FRY: variants seen among roughly 807,000 people sequenced by gnomAD.
FRY encodes the protein protein furry homolog.
In FRY, 128 loss-of-function variants were observed where a neutral mutation model predicts 348.4. The ratio of observed to expected loss-of-function variants is 0.37; its 90% CI spans 0.32 to 0.43. The LOEUF (loss-of-function observed/expected upper bound fraction) is 0.43. FRY is among the 20% of genes least tolerant of loss of function. The pLI, the probability that FRY is intolerant of heterozygous loss-of-function variation, is 1.00. For synonymous variants in FRY, 1,370 were observed against 1,374.7 expected (o/e 1.00, Z 0.08); for missense variants, 2,736 against 3,695.2 (o/e 0.74, Z 6.73).
intron 39 of FRY, among the ~76,000 whole-genome samples, chr13:32,226,603 C>T (rs1317044909): frequency 6.6e-6 from 1 of 152,198 alleles, no homozygotes; most frequent in Non-Finnish European, 1.5e-5. Context: ...TTTAAAATAT[C>T]TTAAAATGAT....
Position 32,254,219 on chromosome 13 carries a change from C to G in FRY, c.7246-5C>G. 6.2e-7 allele frequency: 1 copy of G among 1,613,806 alleles called. No individual in the cohort carries two copies. Among genetic ancestry groups the G allele is most frequent in the Non-Finnish European group, 8.5e-7 (1 of 1,179,910 alleles). ...GTTTCTCAGGAGAGGACTCTTGATT[C>G]GCAGGTGATTTTTTCATCGTGTGGG... On this transcript the variant is annotated splice_polypyrimidine_tract_variant and splice_region_variant and intron_variant, in intron 50 of 60. Coordinates refer to ENST00000542859, the MANE Select transcript of FRY (RefSeq NM_023037.3).
At chr13:32,145,624 A>G (rs1178765401) in intron 11 of FRY, among the ~76,000 whole-genome samples, 1 of 144,782 alleles carries the variant, frequency 6.9e-6, no homozygotes, top group African/African-American at 2.6e-5. Flanking sequence ...GGCTCACTGC[A>G]AGCTCCGCTT....
chr13:32,190,941 A>G (rs865941088), intron 28 of FRY, among the ~76,000 whole-genome samples: 8 of 152,178 alleles, frequency 5.3e-5, no homozygotes, highest in South Asian at 2.1e-4. Context: ...ACACTGAACT[A>G]CTGACCAAGA....
chr13:32,286,773 A>G (rs1416541945), intron 58 of FRY, among the ~76,000 whole-genome samples: 1 of 82,078 alleles, frequency 1.2e-5, no homozygotes, highest in African/African-American at 3.9e-5. Context: ...AAAAAAAAAA[A>G]AAAAAAAAAA....
chr13:32,177,980 A>G (rs926463044), intron 20 of FRY, among the ~76,000 whole-genome samples, 197 bp from the exon 21 acceptor site: 11 of 152,210 alleles, frequency 7.2e-5, no homozygotes, highest in African/African-American at 2.4e-4. Context: ...TAAGCTGCTT[A>G]TCATCTAGCA....
At position 32,225,900 on chromosome 13, in the gene FRY, T is replaced by C. The variant is rs1245803358; in HGVS notation, c.5132T>C (p.Leu1711Pro). Residue 1711 changes from leucine to proline, a missense_variant, in exon 39 of 61, where the codon CTG (leucine) becomes CCG (proline). This residue lies in a region of FRY where 794 missense variants were observed against 977.0 expected (regional missense o/e 0.81). Transcript: ENST00000542859. ...SNFHSIASVLLQTREMGEAKT... is the reference protein window; with the variant it reads ...SNFHSIASVLPQTREMGEAKT... Reference sequence around the variant, plus strand: ...TTCCATTCCATTGCTTCCGTGCTCCTGCAGACCCGAGAGATGGGTGAAGCT... The same window carrying C: ...TTCCATTCCATTGCTTCCGTGCTCCCGCAGACCCGAGAGATGGGTGAAGCT... The C allele has an allele frequency of 1.2e-6, 2 of 1,614,200 alleles. No individual in the cohort carries two copies. Among genetic ancestry groups the C allele is most frequent in the South Asian group, 2.2e-5 (2 of 91,086 alleles).
intron 36 of FRY, among the ~76,000 whole-genome samples, chr13:32,222,814 C>G (rs750329214): frequency 3.3e-5 from 5 of 152,216 alleles, no homozygotes; most frequent in Admixed American, 6.5e-5. Flanking sequence ...CAAGTAAGCC[C>G]TCTGTGCTAG....
intron 51 of FRY, 142 bp from the exon 52 acceptor site, chr13:32,261,474 A>G: frequency 1.2e-6 from 1 of 817,180 alleles, no homozygotes; most frequent in Non-Finnish European, 2.2e-6. Flanking sequence ...TTGGGTAAAC[A>G]AAAGTTTTGA....
At chr13:32,201,548 A>AG (rs1167673658) in intron 29 of FRY, among the ~76,000 whole-genome samples, 1 of 152,240 alleles carries the variant, frequency 6.6e-6, no homozygotes, top group African/African-American at 2.4e-5. Context: ...TCAAATGAAA[A>AG]TATTGATTTG....
intron 36 of FRY, among the ~76,000 whole-genome samples, chr13:32,221,372 A>C (rs1380133071): frequency 1.3e-5 from 2 of 152,256 alleles, no homozygotes; most frequent in Admixed American, 1.3e-4. Flanking sequence ...ACTGATCCCA[A>C]GAATAAACCA....
intron 2 of FRY, among the ~76,000 whole-genome samples, chr13:32,086,356 T>C (rs964053254): frequency 3.3e-5 from 5 of 152,258 alleles, no homozygotes; most frequent in Non-Finnish European, 5.9e-5. Context: ...TGATCTGTCA[T>C]TGTTTTCTCG....
At position 32,262,400 on chromosome 13, in the gene FRY, C is replaced by CT. The variant is rs1412976445; in HGVS notation, c.7707dup (p.Asn2570Ter). 1 of 1,613,350 alleles carries CT rather than the reference C, an allele frequency of 6.2e-7. No individual in the cohort carries two copies. The highest frequency in any genetic ancestry group is 8.5e-7 in the Non-Finnish European group (1 of 1,179,404). ...ACTCGACCCCTGCAGAACCTCATTC[C>CT]TTTAACACCAGAATGTCCAGCTTTG... On this transcript the variant is annotated frameshift_variant, in exon 53 of 61. Coordinates refer to ENST00000542859, the MANE Select transcript of FRY (RefSeq NM_023037.3). LOFTEE classifies it high-confidence loss of function.
At chr13:32,082,927 T>A (rs35425656) in intron 2 of FRY, among the ~76,000 whole-genome samples, 3,152 of 152,276 alleles carry the variant, frequency 0.021, 42 homozygotes, top group Middle Eastern at 0.037. Flanking sequence ...TGTGCATTTA[T>A]TTTTATTTTC....
At chr13:32,056,541 C>G (rs911839064) in intron 1 of FRY, among the ~76,000 whole-genome samples, 1 of 152,122 alleles carries the variant, frequency 6.6e-6, no homozygotes, top group African/African-American at 2.4e-5. Flanking sequence ...GGTTCCCTGC[C>G]CTTATTATGG....
chr13:32,235,109 C>A (rs1199398088), intron 42 of FRY, among the ~76,000 whole-genome samples: 3 of 152,166 alleles, frequency 2.0e-5, no homozygotes, highest in Non-Finnish European at 4.4e-5. Context: ...TGCAGTTATA[C>A]AGTCTCCCTA....
chr13:32,054,659 G>A (rs1490085613), intron 1 of FRY, among the ~76,000 whole-genome samples: 2 of 152,068 alleles, frequency 1.3e-5, no homozygotes, highest in Non-Finnish European at 2.9e-5. Context: ...GGATCACAAG[G>A]TCAGGAGATC....
intron 41 of FRY, among the ~76,000 whole-genome samples, chr13:32,233,927 A>G (rs894351361): frequency 6.6e-5 from 10 of 152,256 alleles, no homozygotes; most frequent in African/African-American, 2.4e-4. Flanking sequence ...TACCAGGACC[A>G]TCTTGTTCCA....
intron 1 of FRY, among the ~76,000 whole-genome samples, chr13:32,060,049 G>A (rs1370048947): frequency 1.3e-5 from 2 of 152,100 alleles, no homozygotes; most frequent in East Asian, 3.8e-4. Context: ...CTCCTTCCAT[G>A]CTGTTTTGTA....
Position 32,186,240 on chromosome 13 carries a change from A to T in FRY, c.3320-20A>T. On this transcript the variant is annotated intron_variant, in intron 26 of 60. Transcript: ENST00000542859. The stretch of plus-strand genomic sequence containing the variant: ...CAGTATGTCCAGTCTTATAACCTCT[A>T]AGTGTGTTTTTCTCCCTAGTTCACC... 4 of 1,590,994 alleles carry T rather than the reference A, an allele frequency of 2.5e-6. No individual in the cohort carries two copies. The highest frequency in any genetic ancestry group is 3.5e-6 in the Non-Finnish European group (4 of 1,158,876).
Sources: gnomAD v4.1 joint callset for allele counts (sites outside exome capture counted in the v4.1 genomes callset) on GRCh38, gnomAD v4.1.1 for gene constraint, gnomAD v4.1.1 regional missense constraint, MANE v1.5 for transcripts, NCBI Gene and HGNC (gene_info 2026-07-23, HGNC 2026-07-21) for gene names.